Variants in PCM1 observed in about 807,000 individuals in gnomAD.
PCM1 encodes pericentriolar material 1 protein.
PCM1 carries 157 observed loss-of-function variants against 241.9 expected under a neutral mutation model. That is an observed-to-expected ratio of 0.65 (90% confidence interval 0.57 to 0.74). The LOEUF (loss-of-function observed/expected upper bound fraction) is 0.74, where lower values mean the gene tolerates loss of function less well. Among genes scored for constraint, PCM1 ranks in the 30% least tolerant of loss-of-function variants. The pLI, the probability that PCM1 is intolerant of heterozygous loss-of-function variation, is 0.00. For synonymous variants in PCM1, 1,085 were observed against 784.9 expected, an observed-to-expected ratio of 1.38 and a Z score of -6.39; for missense variants, 3,478 against 2,360.1, an observed-to-expected ratio of 1.47 and a Z score of -9.81.
Position 17,937,185 on chromosome 8 carries a change from A to G in PCM1, c.148A>G (p.Lys50Glu), listed in dbSNP as rs1437454075. Residue 50 changes from lysine (K) to glutamate (E), a missense_variant, in exon 4 of 39, where the codon AAA becomes GAA. By Grantham distance (56) the Lys-to-Glu change is moderately conservative. Transcript: ENST00000325083. ...KANRSSEKNK[K>E]KFGVESDKRV... is the part of the protein sequence containing the mutation. ...AAATAGATCATCAGAAAAGAATAAG[A>G]AAAAGTTTGGTGTAGAAAGTGATAA... 2.5e-6 allele frequency: 4 copies of G among 1,592,006 alleles called. No individual in the cohort carries two copies. The highest frequency in any genetic ancestry group is 2.3e-5 in the South Asian group (2 of 88,020).
Position 17,985,556 on chromosome 8 carries a change from C to G in PCM1, c.4218C>G (p.Leu1406=). The G allele has an allele frequency of 6.2e-7, 1 of 1,604,098 alleles. No homozygotes were observed. Among genetic ancestry groups the G allele is most frequent in the Non-Finnish European group, 8.5e-7 (1 of 1,174,440 alleles). ...NESRPHFLIE[L]FHELQLLNTD... The stretch of plus-strand genomic sequence containing the variant: ...CTCGTCCACATTTTCTTATTGAACT[C>G]TTCCATGAGCTGCAGCTACTAAACA... The change falls in exon 25 of 39, where the codon CTC becomes CTG. Residue 1406 remains leucine (L), a synonymous_variant. Transcript: ENST00000325083.
At chr8:17,986,133 CAGTAA>C (rs1177973427) in intron 26 of PCM1, 46 bp downstream of exon 26, 10 of 1,302,266 alleles carry the variant, frequency 7.7e-6, no homozygotes, top group African/African-American at 1.5e-5. Flanking sequence ...TTTTAGTATG[CAGTAA>C]ATAAAAGTTA....
chr8:17,986,042 AAACTCAGAACTT>A lies in PCM1; in HGVS notation c.4367_4378del (p.Asn1456_Leu1459del). On this transcript the variant is annotated inframe_deletion, in exon 26 of 39. Coordinates refer to ENST00000325083, the MANE Select transcript of PCM1 (RefSeq NM_006197.4). ...TAAACTCTGGTACTTGGATAGCATC[AAACTCAGAACTT>A]ACTCCTAGTGAGAGCCTTGCTACTA... The A allele has an allele frequency of 6.2e-7, 1 of 1,604,214 alleles. No homozygotes were observed. The highest frequency in any genetic ancestry group is 8.5e-7 in the Non-Finnish European group (1 of 1,173,810).
chr8:18,001,320 ATC>A (rs2089343338), intron 29 of PCM1, among the ~76,000 whole-genome samples: 1 of 152,170 alleles, frequency 6.6e-6, no homozygotes, highest in African/African-American at 2.4e-5. Context: ...ATTGAAGGTA[ATC>A]TGTTTACTTT....
intron 36 of PCM1, among the ~76,000 whole-genome samples, chr8:18,022,518 G>C (rs745393358): frequency 2.6e-5 from 4 of 152,198 alleles, no homozygotes; most frequent in Admixed American, 6.5e-5. Context: ...TTTATGAAAA[G>C]GTTTGGTATC....
At position 17,972,637 on chromosome 8, in the gene PCM1, AAAGT is replaced by A; in HGVS notation, c.3897_3900del (p.Ser1299ArgfsTer8). 1.3e-6 allele frequency: 2 copies of A among 1,582,928 alleles called. No individual in the cohort carries two copies. The highest frequency in any genetic ancestry group is 1.7e-6 in the Non-Finnish European group (2 of 1,168,912). On this transcript the variant is annotated frameshift_variant, in exon 23 of 39. Coordinates refer to ENST00000325083, the MANE Select transcript of PCM1 (RefSeq NM_006197.4). LOFTEE classifies it high-confidence loss of function. ...TCTAAAGATAAAACTCCCAAGTCAAAAAGTAAGAAGAGGAATTCTACTCAGCTGA... is the reference window on the plus strand; with the variant it reads ...TCTAAAGATAAAACTCCCAAGTCAAAAAGAAGAGGAATTCTACTCAGCTGA...
chr8:18,001,569 A>G (rs2089435161), intron 29 of PCM1, among the ~76,000 whole-genome samples: 1 of 152,230 alleles, frequency 6.6e-6, no homozygotes, highest in African/African-American at 2.4e-5. Context: ...TCTTTCTGAG[A>G]TGGCATTCAT....
rs149451958 is a variant in PCM1 at position 17,948,136 on chromosome 8, G to A, written c.961+773G>A. On this transcript the variant is annotated intron_variant, in intron 7 of 38. Transcript: ENST00000325083. ...ATAATTTCTCTTCTTTGAGCGCTTTGTTTTTGCGAGTGAGTTAGGTTCTCA... is the reference window on the plus strand; with the variant it reads ...ATAATTTCTCTTCTTTGAGCGCTTTATTTTTGCGAGTGAGTTAGGTTCTCA... 6.2e-3 allele frequency among the ~76,000 whole-genome samples: 947 copies of A among 152,068 alleles called. 29 individuals are homozygous for A. Among genetic ancestry groups the A allele is most frequent in the Admixed American group, 0.041 (618 of 15,254 alleles).
chr8:17,981,905 G>GAA (rs3216301), intron 24 of PCM1, among the ~76,000 whole-genome samples: 3 of 149,034 alleles, frequency 2.0e-5, no homozygotes, highest in Non-Finnish European at 1.5e-5. Flanking sequence ...GACAAAAGGG[G>GAA]AAAAAAAAAA....
Position 17,967,114 on chromosome 8 carries a change from A to G in PCM1, c.3356A>G (p.Gln1119Arg). Residue 1119 changes from glutamine to arginine, a missense_variant, in exon 21 of 39, where the codon CAG becomes CGG. Physicochemically the swap from Gln to Arg is conservative, Grantham distance 43 (BLOSUM62 1). Transcript: ENST00000325083. ...TTTTGTCCTTTCAGCTTTCCAACAC[A>G]GCCTGTAAATCTCTTCAATATACCT... ...SLFCPFSFPT[Q>R]PVNLFNIPGF... 6.2e-7 allele frequency: 1 copy of G among 1,607,162 alleles called. No individual in the cohort carries two copies. The highest frequency in any genetic ancestry group is 8.5e-7 in the Non-Finnish European group (1 of 1,176,398).
chr8:17,938,150 C>T (rs2060971877), intron 4 of PCM1, among the ~76,000 whole-genome samples: 1 of 152,032 alleles, frequency 6.6e-6, no homozygotes. Flanking sequence ...GTTGAGCATC[C>T]CTAATACGAA....
rs914978612 is a variant in PCM1 at position 18,027,952 on chromosome 8, A to G, written c.*290A>G. On this transcript the variant is annotated 3_prime_UTR_variant, in exon 39 of 39. Transcript: ENST00000325083. Reference sequence around the variant, plus strand: ...CGAATTTAAAATGTAGTTTTAAATAAAGTTTGGACTTATCTATAAAGTATC... The same window carrying G: ...CGAATTTAAAATGTAGTTTTAAATAGAGTTTGGACTTATCTATAAAGTATC... 2 of 330,034 alleles carry G rather than the reference A, an allele frequency of 6.1e-6. No homozygotes were observed. The highest frequency in any genetic ancestry group is 1.1e-5 in the Non-Finnish European group (2 of 182,888). 20.4% of individuals were successfully genotyped at this position (330,034 alleles called of 1,614,324 possible).
intron 7 of PCM1, among the ~76,000 whole-genome samples, chr8:17,948,268 G>C (rs1410728135): frequency 6.8e-6 from 1 of 146,318 alleles, no homozygotes; most frequent in Non-Finnish European, 1.5e-5. Flanking sequence ...ATTTTCACAA[G>C]GAACGTTATG....
intron 23 of PCM1, 198 bp from the exon 24 acceptor site, chr8:17,980,393 T>C (rs2080292551): frequency 2.4e-6 from 1 of 419,274 alleles, no homozygotes; most frequent in African/African-American, 2.0e-5. Flanking sequence ...AAGGTTAGAT[T>C]TATTACTGTT....
In PCM1 at chr8:17,957,288, G is replaced by C; in HGVS notation, c.1671G>C (p.Trp557Cys). ...GAAATCCACAAGTAGCTTCCACTTGGAATGAAGTAAATAGTCATAGTAATG... is the reference window on the plus strand; with the variant it reads ...GAAATCCACAAGTAGCTTCCACTTGCAATGAAGTAAATAGTCATAGTAATG... ...NIRNPQVASTWNEVNSHSNAQ... is the reference protein window; with the variant it reads ...NIRNPQVASTCNEVNSHSNAQ... Residue 557 changes from tryptophan to cysteine, a missense_variant, in exon 12 of 39, where the codon TGG becomes TGC. Trp to Cys is a radical substitution (Grantham distance 215). Coordinates refer to ENST00000325083, the MANE Select transcript of PCM1 (RefSeq NM_006197.4). 6.3e-7 allele frequency: 1 copy of C among 1,596,046 alleles called. No individual in the cohort carries two copies. Among genetic ancestry groups the C allele is most frequent in the Non-Finnish European group, 8.6e-7 (1 of 1,169,558 alleles).
At chr8:17,930,654 G>A (rs987358497) in intron 2 of PCM1, among the ~76,000 whole-genome samples, 7 of 151,678 alleles carry the variant, frequency 4.6e-5, no homozygotes, top group African/African-American at 7.3e-5. Flanking sequence ...CGAGGCGGGC[G>A]GATCACGAGG....
chr8:17,942,686 G>A (rs2062501507), intron 6 of PCM1, among the ~76,000 whole-genome samples: 1 of 151,428 alleles, frequency 6.6e-6, no homozygotes, highest in Admixed American at 6.6e-5. Flanking sequence ...ACAACTATTT[G>A]TAGTTCCACA....
chr8:18,011,877 C>A, intron 34 of PCM1, 50 bp downstream of exon 34: 2 of 1,476,688 alleles, frequency 1.4e-6, no homozygotes, highest in South Asian at 2.5e-5. Context: ...TTTAACTAAT[C>A]AAACTTCCAT....
chr8:17,965,218 C>G (rs541183195), intron 18 of PCM1, among the ~76,000 whole-genome samples: 243 of 152,224 alleles, frequency 1.6e-3, no homozygotes, highest in African/African-American at 5.6e-3. Flanking sequence ...CCCACCCTCC[C>G]CAGCACTTTG....
Sources: allele counts gnomAD v4.1 joint callset (sites outside exome capture counted in the v4.1 genomes callset), GRCh38; gene constraint gnomAD v4.1.1; transcripts MANE v1.5; gene names NCBI Gene and HGNC (gene_info 2026-07-23, HGNC 2026-07-21).